Variants in KLRG1 observed in about 807,000 individuals in gnomAD.
KLRG1 encodes the protein killer cell lectin like receptor G1.
A neutral mutation model predicts 21.8 loss-of-function variants in KLRG1; 16 were observed. The ratio of observed to expected loss-of-function variants is 0.73; its 90% confidence interval spans 0.50 to 1.11. The LOEUF (loss-of-function observed/expected upper bound fraction) is 1.11, where lower values mean the gene tolerates loss of function less well. Ranked by LOEUF, KLRG1 falls within the 50% of genes most tolerant of loss-of-function variation. The pLI is 0.00. For synonymous variants in KLRG1, 69 were observed against 75.9 expected, an observed-to-expected ratio of 0.91 and a Z score of 0.47; for missense variants, 173 against 218.3, an observed-to-expected ratio of 0.79 and a Z score of 1.31.
the KLRG1 span, among the ~76,000 whole-genome samples, chr12:9,150,187 G>C: frequency 6.6e-6 from 1 of 152,206 alleles, no homozygotes; most frequent in Non-Finnish European, 1.5e-5. Flanking sequence ...CTTGAAAGCA[G>C]TGACTATATA....
At chr12:9,119,704 G>C in the KLRG1 span, among the ~76,000 whole-genome samples, 17 of 152,190 alleles carry the variant, frequency 1.1e-4, no homozygotes, top group Non-Finnish European at 1.3e-4. Flanking sequence ...GCTTTTTGGA[G>C]TGAGAAGGGA....
chr12:9,122,420 C>A, the KLRG1 span, among the ~76,000 whole-genome samples: 1 of 152,130 alleles, frequency 6.6e-6, no homozygotes, highest in Non-Finnish European at 1.5e-5. Context: ...AGTTTGGGAG[C>A]AAACACTGGG....
chr12:9,068,995 G>A, the KLRG1 span: 17 of 528,306 alleles, frequency 3.2e-5, no homozygotes, highest in Non-Finnish European at 5.3e-5. Flanking sequence ...ATCTCTCAGA[G>A]GGGATGATAA....
At chr12:9,118,802 G>T in the KLRG1 span, among the ~76,000 whole-genome samples, 3 of 152,178 alleles carry the variant, frequency 2.0e-5, no homozygotes, top group Non-Finnish European at 4.4e-5. Flanking sequence ...CAGTCTGAAT[G>T]CCACTAGCTT....
At chr12:9,213,894 T>A in the KLRG1 span, among the ~76,000 whole-genome samples, 1 of 152,072 alleles carries the variant, frequency 6.6e-6, no homozygotes, top group Non-Finnish European at 1.5e-5. Flanking sequence ...ATTTAATAAA[T>A]TATTGCCTAA....
intron 1 of KLRG1, among the ~76,000 whole-genome samples, chr12:8,978,672 CTTTCTTTCTTTCTTTCTT>C (rs1946702332): frequency 6.8e-6 from 1 of 146,448 alleles, no homozygotes; most frequent in African/African-American, 2.5e-5. Flanking sequence ...TTCTTTCTTT[CTTTCTTTCTTTCTTTCTT>C]TTTCTTTCTT....
chr12:9,143,776 T>A, the KLRG1 span, among the ~76,000 whole-genome samples: 1 of 152,190 alleles, frequency 6.6e-6, no homozygotes, highest in African/African-American at 2.4e-5. Flanking sequence ...GGCTTTATGC[T>A]TCCCATAAGC....
the KLRG1 span, chr12:9,079,613 T>G: frequency 6.2e-7 from 1 of 1,600,324 alleles, no homozygotes; most frequent in African/African-American, 1.3e-5. Context: ...ACATTCAAGT[T>G]TTCCCTTACT....
chr12:9,071,046 C>G, the KLRG1 span, among the ~76,000 whole-genome samples: 1 of 152,010 alleles, frequency 6.6e-6, no homozygotes, highest in Admixed American at 6.5e-5. Flanking sequence ...TCTTGAACTC[C>G]CGACCTAAGG....
At chr12:9,200,340 T>G in the KLRG1 span, 4 of 1,521,290 alleles carry the variant, frequency 2.6e-6, no homozygotes, top group Middle Eastern at 3.4e-4. Flanking sequence ...ATATAAAATT[T>G]TAGATAAAAA....
the KLRG1 span, among the ~76,000 whole-genome samples, chr12:9,179,408 T>C: frequency 2.0e-5 from 3 of 152,128 alleles, no homozygotes; most frequent in Non-Finnish European, 4.4e-5. Flanking sequence ...ATAATAATAA[T>C]AAAATAAATA....
the KLRG1 span, chr12:9,036,235 A>C: frequency 6.6e-6 from 1 of 152,286 alleles, no homozygotes; most frequent in Non-Finnish European, 1.5e-5. Context: ...ATTTCACTTC[A>C]CGGCAGCTGT....
intron 1 of KLRG1, among the ~76,000 whole-genome samples, chr12:8,970,752 G>T (rs753579217): frequency 2.0e-5 from 3 of 152,150 alleles, no homozygotes; most frequent in Non-Finnish European, 4.4e-5. Context: ...TAGGTTTTAT[G>T]TAGAAGCCAT....
chr12:9,160,461 T>C, the KLRG1 span: 22 of 1,613,728 alleles, frequency 1.4e-5, no homozygotes, highest in Non-Finnish European at 1.9e-5. Context: ...AGATTTTGTA[T>C]ATTTTGCATA....
the KLRG1 span, among the ~76,000 whole-genome samples, chr12:9,147,636 G>C: frequency 6.6e-6 from 1 of 152,048 alleles, no homozygotes; most frequent in African/African-American, 2.4e-5. Flanking sequence ...AAGCCTGGGG[G>C]AAGACCAGGG....
At chr12:9,115,697 T>C in the KLRG1 span, 15 of 1,197,396 alleles carry the variant, frequency 1.3e-5, no homozygotes, top group Non-Finnish European at 1.9e-5. Flanking sequence ...AGGAATGATA[T>C]AAAGAAAAAT....
chr12:9,107,445 G>T, the KLRG1 span: 1 of 1,537,586 alleles, frequency 6.5e-7, no homozygotes, highest in Non-Finnish European at 8.9e-7. Flanking sequence ...CTCTTCCTGC[G>T]TCAGAAAAAT....
the KLRG1 span, among the ~76,000 whole-genome samples, chr12:9,173,549 A>G: frequency 6.6e-6 from 1 of 152,064 alleles, no homozygotes; most frequent in Non-Finnish European, 1.5e-5. Flanking sequence ...GGTTTTTTTG[A>G]AAAAAAGTTA....
chr12:9,189,202 G>A, the KLRG1 span, among the ~76,000 whole-genome samples: 2 of 152,208 alleles, frequency 1.3e-5, no homozygotes, highest in Admixed American at 1.3e-4. Context: ...GCAATCCTAA[G>A]CAAAAAGAAG....
Sources: gnomAD v4.1 joint callset for allele counts (sites outside exome capture counted in the v4.1 genomes callset) on GRCh38, gnomAD v4.1.1 for gene constraint, MANE v1.5 for transcripts, NCBI Gene and HGNC (gene_info 2026-07-23, HGNC 2026-07-21) for gene names.